The following CACNA1C variants were observed in gnomAD, a reference collection of about 807,000 sequenced individuals.
The protein encoded by CACNA1C is calcium voltage-gated channel subunit alpha1 C.
CACNA1C carries 30 observed loss-of-function variants against 229.0 expected under a neutral mutation model. That is an observed-to-expected ratio of 0.13 (90% CI 0.10 to 0.18). The LOEUF (loss-of-function observed/expected upper bound fraction) is 0.18. Among genes scored for constraint, CACNA1C ranks in the 10% least tolerant of loss-of-function variants. The pLI is 1.00. For missense variants in CACNA1C, 1,658 were observed against 2,845.0 expected (o/e 0.58, Z 9.49); for synonymous variants, 1,114 against 1,132.5 (o/e 0.98, Z 0.33).
intron 8 of CACNA1C, among the ~76,000 whole-genome samples, chr12:2,506,862 C>G (rs67382090): frequency 6.6e-6 from 1 of 152,108 alleles, no homozygotes; most frequent in South Asian, 2.1e-4. Context: ...AGTAACCCCC[C>G]ACCAAGAGCC....
At chr12:2,245,307 C>T (rs2154378771) in intron 3 of CACNA1C, among the ~76,000 whole-genome samples, 1 of 152,316 alleles carries the variant, frequency 6.6e-6, no homozygotes, top group Admixed American at 6.5e-5. Flanking sequence ...GCTCCATTCT[C>T]CATTGAGAAC....
At chr12:2,009,874 C>T (rs987270215) in intron 1 of CACNA1C, among the ~76,000 whole-genome samples, 2 of 152,148 alleles carry the variant, frequency 1.3e-5, no homozygotes, top group East Asian at 3.8e-4. Context: ...CTCACCTATA[C>T]CCTGGGGAAC....
chr12:2,217,148 C>T (rs967275240), intron 3 of CACNA1C, among the ~76,000 whole-genome samples: 6 of 152,112 alleles, frequency 3.9e-5, no homozygotes, highest in African/African-American at 1.4e-4. Flanking sequence ...ATAAAATAAG[C>T]CAGACACAAA....
At chr12:2,610,895 G>C (rs2077331730) in intron 28 of CACNA1C, among the ~76,000 whole-genome samples, 196 bp downstream of exon 28, 2 of 152,252 alleles carry the variant, frequency 1.3e-5, no homozygotes, top group Admixed American at 6.5e-5. Context: ...GGCACCCTGG[G>C]TTGATCAATG....
chr12:2,609,908 G>A (rs1047913402), intron 27 of CACNA1C, among the ~76,000 whole-genome samples: 11 of 152,186 alleles, frequency 7.2e-5, no homozygotes, highest in Middle Eastern at 6.3e-3. Context: ...CGGATCACTT[G>A]AGGCCAGGAG....
rs973327367 is a variant in CACNA1C, at chr12:2,217,069, C to T, written c.477+96639C>T. ...TATATACATACAGTGGAATATCATT[C>T]GGCCTTAAAAAGGAAGGAGATCCTG... is the stretch of plus-strand genomic sequence containing the variant. On this transcript the variant is annotated intron_variant, in intron 3 of 46. Coordinates refer to ENST00000399655, the MANE Select transcript of CACNA1C (RefSeq NM_000719.7). Among the ~76,000 whole-genome samples, 4 of 152,202 alleles carry T rather than the reference C, an allele frequency of 2.6e-5. No homozygotes were observed. The South Asian group carries it at 6.2e-4, about 24-fold the overall frequency.
rs573754009 is a variant in CACNA1C, at chr12:2,168,447, C to A, written c.477+48017C>A. ...CTTGGTCCTACTGTAGCCAGGAGTT[C>A]CCACAAGGCTGTTTTTTGCAGAGCA... is the stretch of plus-strand genomic sequence containing the variant. On this transcript the variant is annotated intron_variant, in intron 3 of 46. Transcript: ENST00000399655. Among the ~76,000 whole-genome samples the A allele has an allele frequency of 2.2e-4, 33 of 152,272 alleles. No homozygotes were observed. In the South Asian group the frequency reaches 6.9e-3, roughly 32 times the overall value.
Position 2,605,111 on chromosome 12 carries a change from G to A in CACNA1C, c.2991G>A (p.Leu997=), listed in dbSNP as rs886904580. 6.2e-7 allele frequency: 1 copy of A among 1,613,732 alleles called. No homozygotes were observed. Among genetic ancestry groups the A allele is most frequent in the African/African-American group, 1.3e-5 (1 of 74,916 alleles). ...GTGCAATCAATGTCGTGAAGATCTT[G>A]CGAGTCCTGCGAGTACTCAGGCCCC... ...QSSAINVVKI[L]RVLRVLRPLR... is the part of the protein sequence containing the mutation. Residue 997 remains leucine (L), a synonymous_variant, in exon 23 of 47, where the codon TTG becomes TTA. Coordinates refer to ENST00000399655, the MANE Select transcript of CACNA1C (RefSeq NM_000719.7). This position sits in a 1 kb window ranked among gnomAD's most constrained non-coding sequence, Gnocchi z 6.2.
chr12:2,533,049 G>A (rs987896616), intron 9 of CACNA1C, among the ~76,000 whole-genome samples: 2 of 152,204 alleles, frequency 1.3e-5, no homozygotes, highest in Non-Finnish European at 2.9e-5. Context: ...TAAGATTCGG[G>A]CAAAGAGGGA....
rs2097823812 is a variant in CACNA1C, at chr12:2,694,661, A to G, written c.*3462A>G. 6.6e-6 allele frequency: 1 copy of G among 152,224 alleles called. No individual in the cohort carries two copies. The highest frequency in any genetic ancestry group is 2.4e-5 in the African/African-American group (1 of 41,450). The allele number at this position is 152,224 out of a possible 1,614,324, so 9.4% of individuals were successfully genotyped here. ...CTTGTCTGGAGTGAAGCTACCCGTT[A>G]CTTTCTCCCAGCTTTTCTCCACCCA... On this transcript the variant is annotated 3_prime_UTR_variant, in exon 47 of 47. Coordinates refer to ENST00000399655, the MANE Select transcript of CACNA1C (RefSeq NM_000719.7).
chr12:2,121,900 A>G (rs1316419494), intron 3 of CACNA1C, among the ~76,000 whole-genome samples: 1 of 152,184 alleles, frequency 6.6e-6, no homozygotes, highest in Non-Finnish European at 1.5e-5. Flanking sequence ...TCTTAAGCTG[A>G]TGACACTTGG....
At chr12:2,535,704 T>TAAAAAAAAAAAAAAAAAAAAAAAAAA (rs758857733) in intron 9 of CACNA1C, among the ~76,000 whole-genome samples, 6 of 36,562 alleles carry the variant, frequency 1.6e-4, no homozygotes, top group Admixed American at 4.3e-4. Context: ...AGACCCTGTC[T>TAAAAAAAAAAAAAAAAAAAAAAAAAA]AAAAAAAAAA....
intron 3 of CACNA1C, among the ~76,000 whole-genome samples, chr12:2,135,282 T>G (rs202247462): frequency 6.9e-6 from 1 of 144,142 alleles, no homozygotes; most frequent in Non-Finnish European, 1.5e-5. Flanking sequence ...GTAATTTGAT[T>G]GTCTGAAGCC....
At chr12:2,052,906 C>G, upstream of CACNA1C, 4 of 848,610 alleles carry the variant, frequency 4.7e-6, no homozygotes, top group Non-Finnish European at 4.2e-6. Context: ...GGCGGGCGGG[C>G]GGGCGGCGCG....
chr12:2,420,057 G>A (rs1021575352), intron 3 of CACNA1C, among the ~76,000 whole-genome samples: 1 of 151,666 alleles, frequency 6.6e-6, no homozygotes, highest in African/African-American at 2.4e-5. Flanking sequence ...CCCTCTGGAT[G>A]TCAGGACAAC....
chr12:2,387,670 C>A (rs1448934834), intron 3 of CACNA1C, among the ~76,000 whole-genome samples: 1 of 152,096 alleles, frequency 6.6e-6, no homozygotes, highest in Non-Finnish European at 1.5e-5. Context: ...GTAGGTGGAG[C>A]CAAGGGCTGA....
intron 9 of CACNA1C, among the ~76,000 whole-genome samples, chr12:2,521,628 C>T (rs1180725275): frequency 6.6e-6 from 1 of 152,224 alleles, no homozygotes; most frequent in Non-Finnish European, 1.5e-5. Flanking sequence ...ACAAAGCCGC[C>T]TTCCTCTTTC....
chr12:2,215,877 C>T lies in CACNA1C; in HGVS notation c.477+95447C>T, dbSNP rs144904434. 6.6e-6 allele frequency among the ~76,000 whole-genome samples: 1 copy of T among 152,282 alleles called. No homozygotes were observed. The highest frequency in any genetic ancestry group is 1.9e-4 in the East Asian group (1 of 5,178). On this transcript the variant is annotated intron_variant, in intron 3 of 46. Coordinates refer to ENST00000399655, the MANE Select transcript of CACNA1C (RefSeq NM_000719.7). The surrounding 1 kb of genome is among the most constrained non-coding windows in gnomAD (Gnocchi z 5.0). ...TGTGTCCTAGAACACGCCCTGCTGC[C>T]ACCAGTGTGACATCAGCCGTGGTTG...
Position 2,551,777 on chromosome 12 carries a change from T to C in CACNA1C, c.1481+1744T>C, listed in dbSNP as rs563907842. 2.4e-4 allele frequency among the ~76,000 whole-genome samples: 37 copies of C among 152,106 alleles called. 2 individuals are homozygous for C. Among genetic ancestry groups the C allele is most frequent in the Non-Finnish European group, 2.1e-4 (14 of 68,020 alleles). On this transcript the variant is annotated intron_variant, in intron 10 of 46. Coordinates refer to ENST00000399655, the MANE Select transcript of CACNA1C (RefSeq NM_000719.7). ...GAAGGGAGGAAGGAACTACGGCATG[T>C]TACTTCATGGCAGCAGGGGCAGGCG...
Sources: gnomAD v4.1 joint callset for allele counts (sites outside exome capture counted in the v4.1 genomes callset) on GRCh38, gnomAD v4.1.1 for gene constraint, Gnocchi (gnomAD v3.1) non-coding constraint, MANE v1.5 for transcripts, NCBI Gene and HGNC (gene_info 2026-07-23, HGNC 2026-07-21) for gene names.